SCN10A: variants seen among roughly 807,000 people sequenced by gnomAD.
The protein encoded by SCN10A is sodium channel protein type 10 subunit alpha.
SCN10A carries 162 observed loss-of-function variants against 170.7 expected under a neutral mutation model. The ratio of observed to expected loss-of-function variants is 0.95; its 90% CI spans 0.84 to 1.08. SCN10A has a LOEUF of 1.08. Among genes scored for constraint, SCN10A ranks in the 50% least tolerant of loss-of-function variants. SCN10A has a pLI of 0.00. For missense variants in SCN10A, 2,527 were observed against 2,436.9 expected (o/e 1.04, Z -0.78); for synonymous variants, 985 against 904.6 (o/e 1.09, Z -1.59).
In SCN10A at chr3:38,698,096, G is replaced by C. The variant is rs779225765; in HGVS notation, c.5124C>G (p.Ile1708Met). The part of the protein sequence containing the change: ...GIIFFTTYII[I>M]SFLIMVNMYI... ...ACATGTTGACCATGATGAGGAAGGA[G>C]ATGATGATGTAGGTGGTGAAGAAGA... The change falls in exon 28 of 28, where the codon ATC (isoleucine) becomes ATG (methionine). Residue 1708 changes from isoleucine (I) to methionine (M), a missense_variant. Transcript: ENST00000449082. The C allele has an allele frequency of 2.5e-6, 4 of 1,614,082 alleles. No individual in the cohort carries two copies. In the East Asian group the frequency reaches 8.9e-5, roughly 36 times the overall value.
chr3:38,736,527 A>AT (rs1480050161), intron 15 of SCN10A, among the ~76,000 whole-genome samples: 4 of 152,040 alleles, frequency 2.6e-5, no homozygotes, highest in Non-Finnish European at 5.9e-5. Context: ...GCTGGCGGTG[A>AT]TTTTTCTCCA....
intron 12 of SCN10A, 86 bp from the exon 13 acceptor site, chr3:38,750,270 A>G (rs1250764600): frequency 2.9e-6 from 2 of 691,292 alleles, no homozygotes; most frequent in African/African-American, 3.5e-5. Context: ...TTATTGGCCA[A>G]TCTCATATAT....
rs1463117777 is a variant in SCN10A, at chr3:38,697,809, A to G, written c.5411T>C (p.Leu1804Pro). Residue 1804 changes from leucine (L) to proline (P), a missense_variant, in exon 28 of 28, where the codon CTT (leucine) becomes CCT (proline). Leu to Pro is a moderately conservative substitution (Grantham distance 98, BLOSUM62 -3). Transcript: ENST00000449082. ...PGDKIHCLDI[L>P]FAFTKNVLGE... The stretch of plus-strand genomic sequence containing the variant: ...TAGGACATTCTTGGTGAAAGCAAAA[A>G]GGATGTCCAAGCAGTGGATCTTATC... 1 of 1,614,086 alleles carries G rather than the reference A, an allele frequency of 6.2e-7. No individual in the cohort carries two copies. Among genetic ancestry groups the G allele is most frequent in the Admixed American group, 1.7e-5 (1 of 60,014 alleles).
At chr3:38,804,904 C>T (rs2064396211) in intron 1 of SCN10A, among the ~76,000 whole-genome samples, 1 of 152,072 alleles carries the variant, frequency 6.6e-6, no homozygotes, top group Admixed American at 6.6e-5. Flanking sequence ...AAGGATATGT[C>T]AGTGTCATAG....
chr3:38,784,302 T>C (rs1455731576), intron 4 of SCN10A, among the ~76,000 whole-genome samples: 1 of 152,136 alleles, frequency 6.6e-6, no homozygotes, highest in Non-Finnish European at 1.5e-5. Context: ...GTCGGCTTCA[T>C]ACCTGGGATC....
chr3:38,727,486 A>G (rs1230475965), intron 16 of SCN10A, among the ~76,000 whole-genome samples: 1 of 152,178 alleles, frequency 6.6e-6, no homozygotes, highest in East Asian at 1.9e-4. Context: ...GATATGAGAA[A>G]TGTAAAAGTG....
intron 14 of SCN10A, among the ~76,000 whole-genome samples, chr3:38,741,316 ACACACACG>A (rs1180723267): frequency 2.7e-4 from 41 of 149,804 alleles, no homozygotes; most frequent in African/African-American, 9.9e-4. Context: ...ACACACACAC[ACACACACG>A]CAAGTCTTGT....
chr3:38,785,054 T>C (rs1422073973), intron 4 of SCN10A, among the ~76,000 whole-genome samples: 2 of 152,200 alleles, frequency 1.3e-5, no homozygotes, highest in Non-Finnish European at 2.9e-5. Context: ...ATGGCCATAC[T>C]GCCCAAAGTA....
At chr3:38,808,207 C>T (rs2064417692) in intron 1 of SCN10A, among the ~76,000 whole-genome samples, 1 of 151,482 alleles carries the variant, frequency 6.6e-6, no homozygotes, top group African/African-American at 2.4e-5. Context: ...TACTAAAACC[C>T]ACCAGCTTGC....
At chr3:38,730,936 G>A (rs118031740) in intron 15 of SCN10A, among the ~76,000 whole-genome samples, 3 of 152,252 alleles carry the variant, frequency 2.0e-5, no homozygotes, top group East Asian at 1.9e-4. Flanking sequence ...ATAGAATGGC[G>A]TGGAGGCTAT....
chr3:38,735,517 GCAGTC>G (rs1272547309), intron 15 of SCN10A, among the ~76,000 whole-genome samples: 1 of 152,216 alleles, frequency 6.6e-6, no homozygotes, highest in Non-Finnish European at 1.5e-5. Context: ...ATCAATTACA[GCAGTC>G]CCTAATGGGA....
intron 10 of SCN10A, among the ~76,000 whole-genome samples, 192 bp from the exon 11 acceptor site, chr3:38,756,150 A>G (rs1413699840): frequency 6.6e-6 from 1 of 152,062 alleles, no homozygotes; most frequent in South Asian, 2.1e-4. Flanking sequence ...TTCATGGGGT[A>G]CTCTGTTGGT....
intron 21 of SCN10A, among the ~76,000 whole-genome samples, chr3:38,714,871 T>G (rs1236409107): frequency 6.6e-6 from 1 of 152,142 alleles, no homozygotes; most frequent in Non-Finnish European, 1.5e-5. Flanking sequence ...GCCAGGGAGA[T>G]GTCATAGATA....
At chr3:38,769,239 C>CTTTTTTTTTTTTTT (rs56406440) in intron 5 of SCN10A, among the ~76,000 whole-genome samples, 1 of 109,980 alleles carries the variant, frequency 9.1e-6, no homozygotes. Flanking sequence ...CTTCTGAATT[C>CTTTTTTTTTTTTTT]TTTTTTTTTT....
chr3:38,698,449 T>G lies in SCN10A; in HGVS notation c.4771A>C (p.Lys1591Gln), dbSNP rs760106760. The G allele has an allele frequency of 8.1e-6, 13 of 1,614,174 alleles. No homozygotes were observed. The highest frequency in any genetic ancestry group is 1.1e-5 in the Non-Finnish European group (13 of 1,180,020). The change falls in exon 28 of 28, where the codon AAG becomes CAG. Residue 1591 changes from lysine (K) to glutamine (Q), a missense_variant. Transcript: ENST00000449082. The part of the protein sequence containing the change: ...GRILRLIRAA[K>Q]GIRTLLFALM... Reference sequence around the variant, plus strand: ...GCAAAGAGCAGTGTGCGGATCCCCTTGGCCGCTCGGATCAGTCTGAGGATG... The same window carrying G: ...GCAAAGAGCAGTGTGCGGATCCCCTGGGCCGCTCGGATCAGTCTGAGGATG...
At chr3:38,706,084 A>G (rs2063207733) in intron 26 of SCN10A, among the ~76,000 whole-genome samples, 1 of 151,914 alleles carries the variant, frequency 6.6e-6, no homozygotes, top group Admixed American at 6.6e-5. Context: ...ACCTCCTATC[A>G]CTCCCCACTC....
intron 4 of SCN10A, among the ~76,000 whole-genome samples, chr3:38,783,183 T>C (rs936917807): frequency 6.6e-6 from 1 of 151,746 alleles, no homozygotes; most frequent in African/African-American, 2.4e-5. Context: ...ACATGGGGGG[T>C]TTGTTTCAAC....
Position 38,763,575 on chromosome 3 carries a change from A to G in SCN10A, c.621T>C (p.Asp207=), listed in dbSNP as rs377716847. Residue 207 remains aspartate, a synonymous_variant, in exon 6 of 28, where the codon GAT becomes GAC. Coordinates refer to ENST00000449082, the MANE Select transcript of SCN10A (RefSeq NM_006514.4). The part of the protein sequence containing the change: ...ITLAYVGTAI[D]LRGISGLRTF... Reference sequence around the variant, plus strand: ...TCCGCAGGCCTGAGATCCCACGGAGATCTATTGCTGTGCCAACATATCTGT... The same window carrying G: ...TCCGCAGGCCTGAGATCCCACGGAGGTCTATTGCTGTGCCAACATATCTGT... 6.2e-7 allele frequency: 1 copy of G among 1,614,026 alleles called. No homozygotes were observed. The highest frequency in any genetic ancestry group is 8.5e-7 in the Non-Finnish European group (1 of 1,179,918).
chr3:38,755,730 T>G (rs1280672323), intron 11 of SCN10A, 58 bp downstream of exon 11: 6 of 1,594,990 alleles, frequency 3.8e-6, no homozygotes, highest in Non-Finnish European at 5.1e-6. Flanking sequence ...CTCCAACTCA[T>G]TGTCTACGGC....
Sources: allele counts gnomAD v4.1 joint callset (sites outside exome capture counted in the v4.1 genomes callset), GRCh38; gene constraint gnomAD v4.1.1; transcripts MANE v1.5; gene names NCBI Gene and HGNC (gene_info 2026-07-23, HGNC 2026-07-21).